The following CENPQ variants were observed in gnomAD, a reference collection of about 807,000 sequenced individuals.
CENPQ encodes chromosome 6 open reading frame 139.
In CENPQ, 27 loss-of-function variants were observed where a neutral mutation model predicts 36.6. That is an observed-to-expected ratio of 0.74 (90% CI 0.54 to 1.02). CENPQ has a LOEUF of 1.02. Among genes scored for constraint, CENPQ ranks in the 50% least tolerant of loss-of-function variants. CENPQ has a pLI of 0.00. For missense variants in CENPQ, 306 were observed against 301.8 expected, an observed-to-expected ratio of 1.01 and a Z score of -0.10; for synonymous variants, 101 against 101.7, an observed-to-expected ratio of 0.99 and a Z score of 0.04.
intron 2 of CENPQ, 119 bp from the exon 3 acceptor site, chr6:49,470,855 C>G (rs533348481): frequency 2.1e-6 from 1 of 476,568 alleles, no homozygotes; most frequent in Non-Finnish European, 3.4e-6. Context: ...TACATTTTTT[C>G]TATGTACTAG....
At chr6:49,474,994 C>T (rs1768244565) in intron 5 of CENPQ, among the ~76,000 whole-genome samples, 1 of 152,084 alleles carries the variant, frequency 6.6e-6, no homozygotes, top group Non-Finnish European at 1.5e-5. Flanking sequence ...ATAACAGGCT[C>T]TGAAATGGAG....
In CENPQ at chr6:49,472,699, G is replaced by T. The variant is rs769637888; in HGVS notation, c.279-91G>T. 6.8e-6 allele frequency: 7 copies of T among 1,029,054 alleles called. No individual in the cohort carries two copies. The African/African-American group carries it at 1.2e-4, about 17-fold the overall frequency. 63.7% of individuals were successfully genotyped at this position (1,029,054 alleles called of 1,614,324 possible). On this transcript the variant is annotated intron_variant, in intron 4 of 8. Transcript: ENST00000335783. Reference sequence around the variant, plus strand: ...TGATTTTGCCTGGCTAGTGGGGAGGGGTACTTGAGAGAAATCAGAGAGAAA... The same window carrying T: ...TGATTTTGCCTGGCTAGTGGGGAGGTGTACTTGAGAGAAATCAGAGAGAAA...
intron 8 of CENPQ, among the ~76,000 whole-genome samples, chr6:49,489,736 T>A (rs1338356961): frequency 6.6e-6 from 1 of 152,250 alleles, no homozygotes; most frequent in Non-Finnish European, 1.5e-5. Context: ...AACAGATGTG[T>A]TAGCAGATGT....
intron 1 of CENPQ, among the ~76,000 whole-genome samples, chr6:49,468,487 G>A (rs1581842933): frequency 6.6e-6 from 1 of 152,116 alleles, no homozygotes; most frequent in East Asian, 1.9e-4. Context: ...CCAGCTACTT[G>A]GAAGGCTGAG....
intron 5 of CENPQ, among the ~76,000 whole-genome samples, chr6:49,473,773 C>T (rs983532124): frequency 1.3e-5 from 2 of 152,112 alleles, no homozygotes; most frequent in Admixed American, 6.5e-5. Flanking sequence ...TCAGGAGACC[C>T]ATCTCATGTG....
intron 6 of CENPQ, among the ~76,000 whole-genome samples, chr6:49,484,931 A>T (rs973716546): frequency 6.6e-6 from 1 of 152,198 alleles, no homozygotes; most frequent in Admixed American, 6.5e-5. Context: ...GTATTTATGC[A>T]CATCAGTTAA....
intron 6 of CENPQ, among the ~76,000 whole-genome samples, chr6:49,481,929 G>T (rs1044419733): frequency 2.0e-5 from 3 of 152,200 alleles, no homozygotes; most frequent in Admixed American, 6.5e-5. Flanking sequence ...GAGGAGGGAG[G>T]CTCAGGCATG....
chr6:49,470,847 C>CATTTT (rs1768115280), intron 2 of CENPQ, 127 bp from the exon 3 acceptor site: 4 of 450,006 alleles, frequency 8.9e-6, no homozygotes, highest in Non-Finnish European at 1.5e-5. Context: ...TAGCAACATA[C>CATTTT]ATTTTTTCTA....
At chr6:49,472,764 T>C in intron 4 of CENPQ, 26 bp from the exon 5 acceptor site, 1 of 1,415,286 alleles carries the variant, frequency 7.1e-7, no homozygotes, top group Non-Finnish European at 9.4e-7. Context: ...AGACTACTAT[T>C]TATTCCATCT....
At chr6:49,469,979 AAAATGCTTGTTT>A in intron 1 of CENPQ, among the ~76,000 whole-genome samples, 168 bp from the exon 2 acceptor site, 1 of 152,050 alleles carries the variant, frequency 6.6e-6, no homozygotes, top group East Asian at 1.9e-4. Flanking sequence ...TTTCTTTTAA[AAAATGCTTGTTT>A]AAAAGCATAC....
At chr6:49,486,839 G>C (rs1752125412) in intron 6 of CENPQ, among the ~76,000 whole-genome samples, 1 of 151,938 alleles carries the variant, frequency 6.6e-6, no homozygotes, top group Non-Finnish European at 1.5e-5. Context: ...AGCAGATGGA[G>C]TTAAAGGTGT....
intron 6 of CENPQ, among the ~76,000 whole-genome samples, chr6:49,485,518 G>A (rs1768554658): frequency 6.6e-6 from 1 of 152,050 alleles, no homozygotes; most frequent in Admixed American, 6.6e-5. Flanking sequence ...AAAGACACGT[G>A]CCTAGAACAG....
chr6:49,488,307 A>G (rs764108875), intron 6 of CENPQ, 45 bp from the exon 7 acceptor site: 5 of 1,424,506 alleles, frequency 3.5e-6, no homozygotes, highest in South Asian at 2.6e-5. Context: ...ATTTAATATA[A>G]TAATGTGTTT....
At chr6:49,479,740 A>ATCTT (rs1453766640) in intron 5 of CENPQ, among the ~76,000 whole-genome samples, 1 of 152,192 alleles carries the variant, frequency 6.6e-6, no homozygotes, top group Non-Finnish European at 1.5e-5. Context: ...TATCAGTGGT[A>ATCTT]GATTAGATAA....
Position 49,464,727 on chromosome 6 carries a change from AG to A in CENPQ, c.-19+1275del, listed in dbSNP as rs1237348851. ...CATAAGAAGCAACTTCTTTTCCACT[AG>A]TTTTATCATGAGATTGCAGCAATTC... On this transcript the variant is annotated intron_variant, in intron 1 of 8. Coordinates refer to ENST00000335783, the MANE Select transcript of CENPQ (RefSeq NM_018132.4). Among the ~76,000 whole-genome samples the A allele has an allele frequency of 2.0e-5, 3 of 152,186 alleles. No individual in the cohort carries two copies. In the East Asian group the frequency reaches 5.8e-4, roughly 29 times the overall value.
intron 1 of CENPQ, among the ~76,000 whole-genome samples, chr6:49,467,245 G>C (rs1768025184): frequency 6.6e-6 from 1 of 152,172 alleles, no homozygotes; most frequent in African/African-American, 2.4e-5. Context: ...AGTCATAACT[G>C]ATACTTTTGT....
At chr6:49,465,152 C>T (rs763453639) in intron 1 of CENPQ, among the ~76,000 whole-genome samples, 4 of 152,204 alleles carry the variant, frequency 2.6e-5, no homozygotes, top group Non-Finnish European at 4.4e-5. Context: ...CCTTGTACAT[C>T]TCTATCAGAG....
At chr6:49,490,705 G>C (rs759316531) in intron 8 of CENPQ, among the ~76,000 whole-genome samples, 7 of 152,146 alleles carry the variant, frequency 4.6e-5, no homozygotes, top group Non-Finnish European at 7.3e-5. Flanking sequence ...CTTTTCACCT[G>C]AACACTTAGA....
chr6:49,472,811 TAAAG>T lies in CENPQ; in HGVS notation c.304_307del (p.Glu102LysfsTer11). ...CTAGGACAATTTTGAGTAACAGTAT[TAAAG>T]AAAAAGAAGAAATACAATACCATCT... On this transcript the variant is annotated frameshift_variant, in exon 5 of 9. Coordinates refer to ENST00000335783, the MANE Select transcript of CENPQ (RefSeq NM_018132.4). LOFTEE classifies it high-confidence loss of function. 2.1e-6 allele frequency: 3 copies of T among 1,460,564 alleles called. No individual in the cohort carries two copies. The highest frequency in any genetic ancestry group is 2.8e-6 in the Non-Finnish European group (3 of 1,074,870). The allele number at this position is 1,460,564 out of a possible 1,614,324, so 90.5% of individuals were successfully genotyped here. A position where few individuals can be genotyped will look rare whatever the true frequency, so the allele number is the denominator to read the frequency against.
Sources: gnomAD v4.1 joint callset for allele counts (sites outside exome capture counted in the v4.1 genomes callset) on GRCh38, gnomAD v4.1.1 for gene constraint, MANE v1.5 for transcripts, NCBI Gene and HGNC (gene_info 2026-07-23, HGNC 2026-07-21) for gene names.